The following ARHGAP26 variants were observed in gnomAD, a reference collection of about 807,000 sequenced individuals.
The protein encoded by ARHGAP26 is Rho GTPase activating protein 26, also known as rho GTPase-activating protein 26.
Under a neutral mutation model 104.8 loss-of-function variants are expected in ARHGAP26, and 38 were observed. The ratio of observed to expected loss-of-function variants is 0.36; its 90% CI spans 0.28 to 0.48. The LOEUF (loss-of-function observed/expected upper bound fraction) is 0.48. Among genes scored for constraint, ARHGAP26 ranks in the 20% least tolerant of loss-of-function variants. The pLI, the probability that ARHGAP26 is intolerant of heterozygous loss-of-function variation, is 0.99. For missense variants in ARHGAP26, 704 were observed against 947.9 expected (o/e 0.74, Z 3.38); for synonymous variants, 341 against 340.0 (o/e 1.00, Z -0.03).
chr5:143,134,247 A>G (rs1797679892), intron 19 of ARHGAP26, 142 bp downstream of exon 19: 1 of 997,628 alleles, frequency 1.0e-6, no homozygotes, highest in African/African-American at 1.6e-5. Flanking sequence ...GTGCCCTCCC[A>G]AGTGCCTTTG....
chr5:143,098,067 C>T (rs148323475), intron 17 of ARHGAP26, among the ~76,000 whole-genome samples: 23 of 152,186 alleles, frequency 1.5e-4, no homozygotes, highest in African/African-American at 5.3e-4. Flanking sequence ...AGAACTCTTC[C>T]TTTATAATAG....
intron 11 of ARHGAP26, among the ~76,000 whole-genome samples, chr5:142,959,956 A>G (rs986884338): frequency 6.6e-6 from 1 of 152,244 alleles, no homozygotes; most frequent in African/African-American, 2.4e-5. Flanking sequence ...AAAGGCAACT[A>G]TATGGGATTG....
At chr5:143,212,008 G>C (rs1005906874) in intron 21 of ARHGAP26, among the ~76,000 whole-genome samples, 1 of 152,172 alleles carries the variant, frequency 6.6e-6, no homozygotes, top group African/African-American at 2.4e-5. Flanking sequence ...TGGTTTTCCA[G>C]CTTGCCCCTG....
chr5:142,884,220 C>T (rs2152400068), intron 4 of ARHGAP26, among the ~76,000 whole-genome samples: 1 of 152,312 alleles, frequency 6.6e-6, no homozygotes, highest in South Asian at 2.1e-4. Context: ...TCTGTCTCAG[C>T]TGTGGTGGAG....
At chr5:143,212,823 G>A (rs140864580) in intron 21 of ARHGAP26, among the ~76,000 whole-genome samples, 2 of 152,194 alleles carry the variant, frequency 1.3e-5, no homozygotes, top group Non-Finnish European at 2.9e-5. Context: ...CTCACTGCAC[G>A]TTGGAATTAC....
intron 21 of ARHGAP26, among the ~76,000 whole-genome samples, chr5:143,207,813 T>G (rs1808810955): frequency 6.6e-6 from 1 of 152,366 alleles, no homozygotes; most frequent in Non-Finnish European, 1.5e-5. Flanking sequence ...TTTCTCATGT[T>G]TATCAGGCAG....
At chr5:143,053,726 T>A (rs73796535) in intron 14 of ARHGAP26, among the ~76,000 whole-genome samples, 4,794 of 152,316 alleles carry the variant, frequency 0.031, 228 homozygotes, top group African/African-American at 0.097. Flanking sequence ...GCAATTTTTT[T>A]AAAAATACAA....
At chr5:143,087,359 C>G (rs992120254) in intron 17 of ARHGAP26, among the ~76,000 whole-genome samples, 3 of 152,202 alleles carry the variant, frequency 2.0e-5, no homozygotes, top group African/African-American at 4.8e-5. Flanking sequence ...GGATGAGTAT[C>G]TAACTGTTGT....
intron 1 of ARHGAP26, among the ~76,000 whole-genome samples, chr5:142,849,437 C>G (rs977128487): frequency 8.5e-5 from 13 of 152,192 alleles, no homozygotes; most frequent in Non-Finnish European, 1.2e-4. Flanking sequence ...AAACAGCCGC[C>G]GTGAGATTTT....
chr5:142,932,974 C>G (rs1216035199), intron 11 of ARHGAP26, among the ~76,000 whole-genome samples: 4 of 152,204 alleles, frequency 2.6e-5, no homozygotes, highest in African/African-American at 9.7e-5. Flanking sequence ...TATTGTATGA[C>G]ATTTAATAAT....
chr5:142,905,732 G>A (rs980094924), intron 8 of ARHGAP26, among the ~76,000 whole-genome samples: 1 of 152,070 alleles, frequency 6.6e-6, no homozygotes, highest in Non-Finnish European at 1.5e-5. Flanking sequence ...AGTAATTATG[G>A]TTTTTGCCAT....
At chr5:143,050,024 C>G (rs1405911702) in intron 14 of ARHGAP26, among the ~76,000 whole-genome samples, 1 of 152,160 alleles carries the variant, frequency 6.6e-6, no homozygotes, top group African/African-American at 2.4e-5. Flanking sequence ...GAAAGTAGCC[C>G]CCAAAAGTGT....
At chr5:143,004,049 G>A (rs1490136106) in intron 11 of ARHGAP26, among the ~76,000 whole-genome samples, 1 of 146,518 alleles carries the variant, frequency 6.8e-6, no homozygotes, top group African/African-American at 2.5e-5. Context: ...GGAAAGTGAC[G>A]TACGGAAATC....
intron 11 of ARHGAP26, among the ~76,000 whole-genome samples, chr5:142,997,295 G>A (rs1437198441): frequency 6.6e-6 from 1 of 152,116 alleles, no homozygotes; most frequent in Non-Finnish European, 1.5e-5. Context: ...TGGGTAGAGT[G>A]GTGAAACATT....
chr5:143,113,311 C>T (rs1035681724), intron 17 of ARHGAP26, among the ~76,000 whole-genome samples: 1 of 152,144 alleles, frequency 6.6e-6, no homozygotes, highest in Non-Finnish European at 1.5e-5. Context: ...TAATACTGAG[C>T]AGTACTTAAC....
At chr5:143,165,197 C>T (rs751649706) in intron 20 of ARHGAP26, 2 of 152,224 alleles carry the variant, frequency 1.3e-5, no homozygotes, top group Non-Finnish European at 2.9e-5. Flanking sequence ...GCTGTGAAAC[C>T]TGAGTGTGTA....
chr5:142,781,925 C>T (rs1312533423), intron 1 of ARHGAP26, among the ~76,000 whole-genome samples: 2 of 152,132 alleles, frequency 1.3e-5, no homozygotes, highest in Non-Finnish European at 2.9e-5. Flanking sequence ...CCGTGTTACT[C>T]AGGATGGTCT....
chr5:142,914,866 A>T (rs892735590), intron 10 of ARHGAP26, among the ~76,000 whole-genome samples: 1 of 152,144 alleles, frequency 6.6e-6, no homozygotes, highest in Non-Finnish European at 1.5e-5. Context: ...TATTATTGGC[A>T]TCCTTGAAGG....
intron 12 of ARHGAP26, among the ~76,000 whole-genome samples, chr5:143,029,436 A>C (rs1781565300): frequency 1.8e-5 from 2 of 113,688 alleles, no homozygotes; most frequent in African/African-American, 7.0e-5. Context: ...GCAGGCTCTC[A>C]CTCTGTTGCT....
Sources: gnomAD v4.1 joint callset for allele counts (sites outside exome capture counted in the v4.1 genomes callset) on GRCh38, gnomAD v4.1.1 for gene constraint, MANE v1.5 for transcripts, NCBI Gene and HGNC (gene_info 2026-07-23, HGNC 2026-07-21) for gene names.